The following SCN10A variants were observed in gnomAD, a reference collection of about 807,000 sequenced individuals.
The protein encoded by SCN10A is sodium channel protein type 10 subunit alpha.
In SCN10A, 162 loss-of-function variants were observed where a neutral mutation model predicts 170.7. The ratio of observed to expected loss-of-function variants is 0.95; its 90% CI spans 0.84 to 1.08. The LOEUF is 1.08. Among genes scored for constraint, SCN10A ranks in the 50% least tolerant of loss-of-function variants. The pLI is 0.00. For missense variants in SCN10A, 2,527 were observed against 2,436.9 expected, an observed-to-expected ratio of 1.04 and a Z score of -0.78; for synonymous variants, 985 against 904.6, an observed-to-expected ratio of 1.09 and a Z score of -1.59.
At chr3:38,732,617 G>C (rs1314385639) in intron 15 of SCN10A, among the ~76,000 whole-genome samples, 1 of 152,162 alleles carries the variant, frequency 6.6e-6, no homozygotes, top group Non-Finnish European at 1.5e-5. Flanking sequence ...ATCATGTGGT[G>C]GGCAACAAGG....
chr3:38,746,100 T>TATATATATATCTA (rs71085336), intron 13 of SCN10A, among the ~76,000 whole-genome samples: 2 of 99,818 alleles, frequency 2.0e-5, no homozygotes, highest in Admixed American at 1.0e-4. Context: ...TATATATATA[T>TATATATATATCTA]GCCATCTTTG....
intron 6 of SCN10A, among the ~76,000 whole-genome samples, chr3:38,761,837 TGA>T (rs772881421): frequency 0.035 from 5,115 of 144,108 alleles, 209 homozygotes; most frequent in African/African-American, 0.099. Context: ...TGTGTGTGTG[TGA>T]GAGAGAGAGA....
chr3:38,749,022 A>T (rs1215220948), intron 13 of SCN10A, among the ~76,000 whole-genome samples: 1 of 152,246 alleles, frequency 6.6e-6, no homozygotes, highest in Non-Finnish European at 1.5e-5. Flanking sequence ...CAAAACAGAT[A>T]CATCTCTGCA....
At chr3:38,737,821 TTTCTTTCTTTCTCTTTC>T (rs2063584984) in intron 15 of SCN10A, among the ~76,000 whole-genome samples, 1 of 130,018 alleles carries the variant, frequency 7.7e-6, no homozygotes, top group Admixed American at 8.1e-5. Context: ...TCTTTCTTTC[TTTCTTTCTTTCTCTTTC>T]TTCTTTCTTT....
intron 4 of SCN10A, among the ~76,000 whole-genome samples, chr3:38,775,589 A>T (rs1480451950): frequency 6.6e-6 from 1 of 152,192 alleles, no homozygotes; most frequent in Non-Finnish European, 1.5e-5. Flanking sequence ...ATTAAACCAG[A>T]GAGCTCTTCT....
chr3:38,697,504 G>C lies in SCN10A; in HGVS notation c.5716C>G (p.Pro1906Ala). The change falls in exon 28 of 28, where the codon CCA becomes GCA. Residue 1906 changes from proline (P) to alanine (A), a missense_variant. Physicochemically the swap from Pro to Ala is conservative, Grantham distance 27. Coordinates refer to ENST00000449082, the MANE Select transcript of SCN10A (RefSeq NM_006514.4). ...AFTANENCVL[P>A]DKSETASATS... is the part of the protein sequence containing the mutation. ...GCAGAAGCAGTTTCAGATTTGTCTG[G>C]GAGTACACAATTTTCATTTGCTGTG... 1 of 1,614,152 alleles carries C rather than the reference G, an allele frequency of 6.2e-7. No homozygotes were observed. The highest frequency in any genetic ancestry group is 1.3e-5 in the African/African-American group (1 of 75,030).
chr3:38,698,424 G>A lies in SCN10A; in HGVS notation c.4796C>T (p.Ala1599Val). 1.2e-6 allele frequency: 2 copies of A among 1,614,192 alleles called. No individual in the cohort carries two copies. The highest frequency in any genetic ancestry group is 1.7e-6 in the Non-Finnish European group (2 of 1,180,026). The change falls in exon 28 of 28, where the codon GCC (alanine) becomes GTC (valine). Residue 1599 changes from alanine to valine, a missense_variant. Ala to Val is a moderately conservative substitution (Grantham distance 64). Transcript: ENST00000449082. ...AAKGIRTLLF[A>V]LMMSLPALFN... ...GAGGGCAGGCAGGGACATCATGAGG[G>A]CAAAGAGCAGTGTGCGGATCCCCTT... is the stretch of plus-strand genomic sequence containing the variant.
chr3:38,756,839 GATC>G lies in SCN10A; in HGVS notation c.1122_1124del (p.Met374del). 6.2e-7 allele frequency: 1 copy of G among 1,614,184 alleles called. No homozygotes were observed. Among genetic ancestry groups the G allele is most frequent in the African/African-American group, 1.3e-5 (1 of 75,044 alleles). ...CCAGGAAGATTACGAGCACAAAAAA[GATC>G]ATATAGATTTTCCCAGAAGTCCTCA... On this transcript the variant is annotated inframe_deletion, in exon 10 of 28. Coordinates refer to ENST00000449082, the MANE Select transcript of SCN10A (RefSeq NM_006514.4).
Position 38,772,970 on chromosome 3 carries a change from AG to A in SCN10A, c.471-1564del, listed in dbSNP as rs1389132510. Among the ~76,000 whole-genome samples, 6 of 152,332 alleles carry A rather than the reference AG, an allele frequency of 3.9e-5. No homozygotes were observed. The South Asian group carries it at 6.2e-4, about 16-fold the overall frequency. On this transcript the variant is annotated intron_variant, in intron 4 of 27. Transcript: ENST00000449082. ...CAGAAATGGATAGGAAGTGATAAAAAGTTTGAAAATTAGAGAATCAGACTAG... is the reference window on the plus strand; with the variant it reads ...CAGAAATGGATAGGAAGTGATAAAAATTTGAAAATTAGAGAATCAGACTAG...
chr3:38,753,931 A>G (rs1033024276), intron 11 of SCN10A, among the ~76,000 whole-genome samples: 1 of 152,210 alleles, frequency 6.6e-6, no homozygotes, highest in African/African-American at 2.4e-5. Context: ...GGTCTCTTCT[A>G]TATATTCCTC....
At chr3:38,709,843 C>G (rs1009155289) in intron 24 of SCN10A, among the ~76,000 whole-genome samples, 1 of 152,232 alleles carries the variant, frequency 6.6e-6, no homozygotes, top group African/African-American at 2.4e-5. Flanking sequence ...CGCAATCCTA[C>G]TGGGGTCCTC....
intron 4 of SCN10A, among the ~76,000 whole-genome samples, chr3:38,779,118 G>A (rs975318473): frequency 1.3e-5 from 2 of 151,990 alleles, no homozygotes; most frequent in Non-Finnish European, 2.9e-5. Flanking sequence ...CTCATATTAT[G>A]TGTACAAAGA....
At chr3:38,752,179 G>A (rs1559443616) in intron 12 of SCN10A, 40 bp downstream of exon 12, 12 of 1,459,588 alleles carry the variant, frequency 8.2e-6, no homozygotes, top group Non-Finnish European at 1.1e-5. Flanking sequence ...CTTCTAGGTG[G>A]AAGACAGCCT....
chr3:38,804,150 C>T (rs1203683641), intron 1 of SCN10A, among the ~76,000 whole-genome samples: 1 of 152,186 alleles, frequency 6.6e-6, no homozygotes, highest in African/African-American at 2.4e-5. Flanking sequence ...AATTCTCTTG[C>T]TTGTTCATTG....
At chr3:38,717,373 T>G (rs999622820) in intron 21 of SCN10A, among the ~76,000 whole-genome samples, 1 of 152,176 alleles carries the variant, frequency 6.6e-6, no homozygotes, top group Non-Finnish European at 1.5e-5. Context: ...GCATGACCGT[T>G]TAAGGTGATT....
At chr3:38,800,649 G>GT (rs149026564) in intron 1 of SCN10A, among the ~76,000 whole-genome samples, 11,110 of 152,126 alleles carry the variant, frequency 0.073, 588 homozygotes, top group Non-Finnish European at 0.11. Context: ...CTCCCCAGAG[G>GT]TTTTTTTGGG....
chr3:38,737,798 C>CTCTTTCTTTCTTTCTTTCTT (rs1166425687), intron 15 of SCN10A, among the ~76,000 whole-genome samples: 7,370 of 93,468 alleles, frequency 0.079, 469 homozygotes, highest in African/African-American at 0.1. Flanking sequence ...CCCTCCCTTC[C>CTCTTTCTTTCTTTCTTTCTT]TCTTTCTTTC....
chr3:38,701,687 C>A (rs2063157680), intron 27 of SCN10A, 152 bp downstream of exon 27: 3 of 686,644 alleles, frequency 4.4e-6, no homozygotes, highest in African/African-American at 1.8e-5. Context: ...GCATTTAAAA[C>A]TTGCTACTCT....
In SCN10A at chr3:38,698,131, CG is replaced by C; in HGVS notation, c.5088del (p.Val1697Ter). 3 of 1,614,088 alleles carry C rather than the reference CG, an allele frequency of 1.9e-6. No homozygotes were observed. Among genetic ancestry groups the C allele is most frequent in the Non-Finnish European group, 2.5e-6 (3 of 1,180,002 alleles). On this transcript the variant is annotated frameshift_variant, in exon 28 of 28. Coordinates refer to ENST00000449082, the MANE Select transcript of SCN10A (RefSeq NM_006514.4). LOFTEE classifies it high-confidence loss of function. ...NGTRGDCGSP[A>X]VGIIFFTTYI... Reference sequence around the variant, plus strand: ...TAGGTGGTGAAGAAGATGATGCCTACGGCTGGGCTCCCACAGTCCCCTCTGG... The same window carrying C: ...TAGGTGGTGAAGAAGATGATGCCTACGCTGGGCTCCCACAGTCCCCTCTGG...
Sources: allele counts gnomAD v4.1 joint callset (sites outside exome capture counted in the v4.1 genomes callset), GRCh38; gene constraint gnomAD v4.1.1; transcripts MANE v1.5; gene names NCBI Gene and HGNC (gene_info 2026-07-23, HGNC 2026-07-21).